CTNND2: variants seen among roughly 807,000 people sequenced by gnomAD.
The protein encoded by CTNND2 is catenin delta-2.
CTNND2 carries 22 observed loss-of-function variants against 144.4 expected under a neutral mutation model. The ratio of observed to expected loss-of-function variants is 0.15; its 90% CI spans 0.11 to 0.22. The LOEUF is 0.22. Among genes scored for constraint, CTNND2 ranks in the 10% least tolerant of loss-of-function variants. The pLI is 1.00. For synonymous variants in CTNND2, 751 were observed against 695.6 expected (o/e 1.08, Z -1.25); for missense variants, 1,353 against 1,618.8 (o/e 0.84, Z 2.82).
intron 2 of CTNND2, among the ~76,000 whole-genome samples, chr5:11,634,425 T>C (rs1196143580): frequency 6.6e-6 from 1 of 152,120 alleles, no homozygotes; most frequent in Non-Finnish European, 1.5e-5. Flanking sequence ...ATGAAGGGCA[T>C]GGATGGGATC....
intron 16 of CTNND2, among the ~76,000 whole-genome samples, chr5:11,073,713 T>C (rs1748597617): frequency 6.6e-6 from 1 of 151,954 alleles, no homozygotes; most frequent in South Asian, 2.1e-4. Flanking sequence ...TGAAATTAGG[T>C]TCTGGGGTTT....
At chr5:11,831,438 C>G (rs930360982) in intron 1 of CTNND2, among the ~76,000 whole-genome samples, 6 of 151,550 alleles carry the variant, frequency 4.0e-5, no homozygotes, top group African/African-American at 1.5e-4. Context: ...GGAGGCTGAG[C>G]CGGGTAGATC....
chr5:11,518,360 GAA>G (rs1371464896), intron 3 of CTNND2, among the ~76,000 whole-genome samples: 4 of 152,156 alleles, frequency 2.6e-5, no homozygotes, highest in South Asian at 4.1e-4. Flanking sequence ...AGTGCTATTA[GAA>G]AAGAGTCAAA....
chr5:11,831,890 G>A (rs955636358), intron 1 of CTNND2, among the ~76,000 whole-genome samples: 34 of 152,132 alleles, frequency 2.2e-4, no homozygotes, highest in Admixed American at 1.3e-4. Flanking sequence ...TAATATGTAC[G>A]AGTTCTAGAA....
intron 16 of CTNND2, among the ~76,000 whole-genome samples, chr5:11,071,522 C>A (rs574929300): frequency 1.3e-5 from 2 of 151,908 alleles, no homozygotes; most frequent in South Asian, 2.1e-4. Context: ...AGTGACAGAG[C>A]CTGAGTGACA....
At chr5:11,083,621 G>A (rs541797229) in intron 15 of CTNND2, among the ~76,000 whole-genome samples, 18 of 152,260 alleles carry the variant, frequency 1.2e-4, no homozygotes, top group East Asian at 1.2e-3. Context: ...GCAGGCCCAC[G>A]TTTTCAGACA....
At chr5:11,385,291 G>A in intron 6 of CTNND2, 62 bp from the exon 7 acceptor site, 2 of 1,023,600 alleles carry the variant, frequency 2.0e-6, no homozygotes, top group Non-Finnish European at 2.4e-6. Flanking sequence ...GGCCCACCCG[G>A]CCCAGCCCGG....
chr5:11,536,721 A>G (rs937678332), intron 3 of CTNND2, among the ~76,000 whole-genome samples: 36 of 152,114 alleles, frequency 2.4e-4, no homozygotes, highest in African/African-American at 8.4e-4. Context: ...TTGGGGACTC[A>G]GAAGAAAGGG....
intron 11 of CTNND2, among the ~76,000 whole-genome samples, chr5:11,197,342 A>C (rs1405090776): frequency 6.6e-6 from 1 of 152,232 alleles, no homozygotes; most frequent in African/African-American, 2.4e-5. Context: ...ACCACTGTCC[A>C]TCTTAACGGA....
intron 2 of CTNND2, among the ~76,000 whole-genome samples, chr5:11,651,997 T>C (rs1782667680): frequency 6.6e-6 from 1 of 152,102 alleles, no homozygotes; most frequent in Admixed American, 6.5e-5. Flanking sequence ...TGGGGGACTG[T>C]TGAGAAGGGA....
intron 3 of CTNND2, among the ~76,000 whole-genome samples, chr5:11,524,719 T>C (rs1773062459): frequency 1.3e-5 from 2 of 152,218 alleles, no homozygotes; most frequent in Non-Finnish European, 2.9e-5. Flanking sequence ...AACAAAATGA[T>C]TGTCAAAACA....
chr5:11,687,646 G>T (rs1329495123), intron 2 of CTNND2, among the ~76,000 whole-genome samples: 1 of 152,182 alleles, frequency 6.6e-6, no homozygotes, highest in Non-Finnish European at 1.5e-5. Context: ...CTCACACACA[G>T]ATAATATCTG....
intron 3 of CTNND2, among the ~76,000 whole-genome samples, chr5:11,526,177 C>G (rs1232146643): frequency 6.6e-6 from 1 of 152,184 alleles, no homozygotes; most frequent in African/African-American, 2.4e-5. Context: ...GCTGGGATTA[C>G]AGACATGAGC....
chr5:11,831,153 A>G (rs1251004599), intron 1 of CTNND2, among the ~76,000 whole-genome samples: 1 of 151,964 alleles, frequency 6.6e-6, no homozygotes, highest in African/African-American at 2.4e-5. Context: ...CACAATCCTA[A>G]TAAAAATTCC....
intron 1 of CTNND2, among the ~76,000 whole-genome samples, chr5:11,846,793 T>C (rs1041665581): frequency 1.3e-5 from 2 of 151,756 alleles, no homozygotes; most frequent in African/African-American, 2.4e-5. Context: ...AAGACCCAAA[T>C]AGACATTTCT....
chr5:11,045,317 T>G (rs1745119620), intron 16 of CTNND2, among the ~76,000 whole-genome samples: 1 of 151,232 alleles, frequency 6.6e-6, no homozygotes, highest in Non-Finnish European at 1.5e-5. Context: ...CAGCAGAAGG[T>G]GAAGGGAAGC....
intron 9 of CTNND2, among the ~76,000 whole-genome samples, chr5:11,344,192 C>T (rs1754534413): frequency 6.6e-6 from 1 of 152,196 alleles, no homozygotes; most frequent in African/African-American, 2.4e-5. Context: ...ATCACGAGGT[C>T]AGGAGATCGA....
chr5:11,640,854 G>A (rs77072188), intron 2 of CTNND2, among the ~76,000 whole-genome samples: 3,099 of 152,278 alleles, frequency 0.02, 88 homozygotes, highest in African/African-American at 0.069. Context: ...CTTGGACAGA[G>A]CTTCTGAAGA....
At chr5:11,204,698 T>A (rs1210277334) in intron 10 of CTNND2, among the ~76,000 whole-genome samples, 1 of 152,164 alleles carries the variant, frequency 6.6e-6, no homozygotes, top group East Asian at 1.9e-4. Context: ...TACAGCAGTG[T>A]TCAGATATTT....
Sources: allele counts gnomAD v4.1 joint callset (sites outside exome capture counted in the v4.1 genomes callset), GRCh38; gene constraint gnomAD v4.1.1; transcripts MANE v1.5; gene names NCBI Gene and HGNC (gene_info 2026-07-23, HGNC 2026-07-21).